MCF2L2: variants seen among roughly 807,000 people sequenced by gnomAD.
MCF2L2 encodes the protein probable guanine nucleotide exchange factor MCF2L2.
MCF2L2 carries 102 observed loss-of-function variants against 150.2 expected under a neutral mutation model. The observed-to-expected ratio is 0.68, with a 90% CI of 0.58 to 0.80. MCF2L2 has a LOEUF of 0.80. Among genes scored for constraint, MCF2L2 ranks in the 30% least tolerant of loss-of-function variants. The probability of loss-of-function intolerance (pLI) is 0.00; values close to 1 mark genes in which losing one functional copy is unlikely to be tolerated. For synonymous variants in MCF2L2, 465 were observed against 491.3 expected, an observed-to-expected ratio of 0.95 and a Z score of 0.71; for missense variants, 1,256 against 1,372.8, an observed-to-expected ratio of 0.91 and a Z score of 1.34.
chr3:183,384,102 T>C (rs1713691224), intron 2 of MCF2L2, among the ~76,000 whole-genome samples: 1 of 152,206 alleles, frequency 6.6e-6, no homozygotes, highest in South Asian at 2.1e-4. Context: ...CATGCAGAAC[T>C]GGTAAAAGAG....
intron 25 of MCF2L2, 56 bp downstream of exon 25, chr3:183,205,820 C>T: frequency 7.6e-7 from 1 of 1,307,790 alleles, no homozygotes; most frequent in Non-Finnish European, 1.1e-6. Flanking sequence ...TGCACATCCC[C>T]CACTGAGCTG....
intron 15 of MCF2L2, chr3:183,231,312 A>C: frequency 1.9e-6 from 1 of 534,850 alleles, no homozygotes; most frequent in Non-Finnish European, 3.6e-6. Context: ...GTGGGGGTCA[A>C]GAAGGGAGAT....
chr3:183,380,842 T>G (rs1245992524), intron 2 of MCF2L2, among the ~76,000 whole-genome samples: 1 of 152,136 alleles, frequency 6.6e-6, no homozygotes, highest in East Asian at 1.9e-4. Flanking sequence ...GACATAAAGG[T>G]GGTGATATCT....
intron 15 of MCF2L2, among the ~76,000 whole-genome samples, chr3:183,268,782 G>A (rs1726413985): frequency 6.6e-6 from 1 of 152,168 alleles, no homozygotes; most frequent in Non-Finnish European, 1.5e-5. Context: ...ACCGTAAGTG[G>A]CTAAGGCGGC....
In MCF2L2 at chr3:183,418,933, T is replaced by C. The variant is rs374266608; in HGVS notation, c.76+8969A>G. Among the ~76,000 whole-genome samples the C allele has an allele frequency of 3.5e-4, 53 of 152,366 alleles. No individual in the cohort carries two copies. In the East Asian group the frequency reaches 3.9e-3, roughly 11 times the overall value. ...CTCTTCTCACAGCTTCACTAGGCAG[T>C]TCCCCACTGGGGACTCTTATTTCTC... On this transcript the variant is annotated intron_variant, in intron 1 of 29. Coordinates refer to ENST00000328913, the MANE Select transcript of MCF2L2 (RefSeq NM_015078.4).
chr3:183,355,604 G>A lies in MCF2L2; in HGVS notation c.276-13974C>T, dbSNP rs867574743. ...TGGGACTACAGGCGCCCGCCACCAC[G>A]CCCAGCTAATTTTTTTTTTTTTTTT... On this transcript the variant is annotated intron_variant, in intron 3 of 29. Transcript: ENST00000328913. 4.1e-3 allele frequency among the ~76,000 whole-genome samples: 564 copies of A among 138,942 alleles called. 1 individual carries two copies. Among genetic ancestry groups the A allele is most frequent in the African/African-American group, 0.015 (531 of 35,640 alleles). The allele number at this position is 138,942 out of a possible 152,430, so 91.2% of individuals were successfully genotyped here. A position where few individuals can be genotyped will look rare whatever the true frequency, so the allele number is the denominator to read the frequency against.
chr3:183,257,229 C>T (rs778695464), intron 15 of MCF2L2, among the ~76,000 whole-genome samples: 8 of 152,194 alleles, frequency 5.3e-5, no homozygotes, highest in Non-Finnish European at 1.2e-4. Context: ...AGAGACAAGT[C>T]GAGCTCATGT....
Position 183,270,260 on chromosome 3 carries a change from T to C in MCF2L2, c.1862+6612A>G. The C allele has an allele frequency of 6.2e-7, 1 of 1,614,138 alleles. No homozygotes were observed. The highest frequency in any genetic ancestry group is 1.3e-5 in the African/African-American group (1 of 75,042). On this transcript the variant is annotated intron_variant, in intron 15 of 29. Coordinates refer to ENST00000328913, the MANE Select transcript of MCF2L2 (RefSeq NM_015078.4). This position sits in a 1 kb window ranked among gnomAD's most constrained non-coding sequence, Gnocchi z 4.5. ...TGGCTTGGGAAGATCAAAGGTACAA[T>C]GATATAATTCAGCAAGACTTTGTTG...
In MCF2L2 at chr3:183,338,900, A is replaced by G; in HGVS notation, c.386T>C (p.Leu129Ser). The G allele has an allele frequency of 6.2e-7, 1 of 1,601,404 alleles. No homozygotes were observed. Among genetic ancestry groups the G allele is most frequent in the Non-Finnish European group, 8.5e-7 (1 of 1,170,854 alleles). ...TGGACGAAGGATGAATATGAGCTGT[A>G]AGTTTCCTGGAAATGCCACCTGCAA... is the stretch of plus-strand genomic sequence containing the variant. ...TRIAVAFPGN[L>S]QLIFILRPSR... Residue 129 changes from leucine to serine, a missense_variant, in exon 5 of 30, where the codon TTA (leucine) becomes TCA (serine). By Grantham distance (145) the Leu-to-Ser change is moderately radical. Coordinates refer to ENST00000328913, the MANE Select transcript of MCF2L2 (RefSeq NM_015078.4).
Position 183,372,102 on chromosome 3 carries a change from A to C in MCF2L2, c.275+7195T>G, listed in dbSNP as rs73062737. 5 of 151,306 alleles carry C rather than the reference A, an allele frequency of 3.3e-5. No homozygotes were observed. In the East Asian group the frequency reaches 7.8e-4, roughly 24 times the overall value. 9.4% of individuals were successfully genotyped at this position (151,306 alleles called of 1,614,324 possible). ...GTCTGATGCACTTCCCAGCTTCACT[A>C]CCCTTTGGCTTAATGATTTGGGGGT... On this transcript the variant is annotated intron_variant, in intron 3 of 29. Transcript: ENST00000328913.
At chr3:183,346,627 G>C (rs1730909781) in intron 3 of MCF2L2, among the ~76,000 whole-genome samples, 1 of 152,188 alleles carries the variant, frequency 6.6e-6, no homozygotes, top group African/African-American at 2.4e-5. Flanking sequence ...AATTGTCTCT[G>C]TTTGCAGATG....
chr3:183,332,039 C>G (rs1730293181), intron 5 of MCF2L2, among the ~76,000 whole-genome samples: 1 of 152,084 alleles, frequency 6.6e-6, no homozygotes, highest in Non-Finnish European at 1.5e-5. Context: ...AATTATCTAA[C>G]TAGAAATGAC....
chr3:183,250,932 T>C (rs1455284285), intron 15 of MCF2L2, among the ~76,000 whole-genome samples: 1 of 152,210 alleles, frequency 6.6e-6, no homozygotes, highest in Non-Finnish European at 1.5e-5. Flanking sequence ...CCCATTGGGA[T>C]AGCCCAGGCT....
At position 183,258,070 on chromosome 3, in the gene MCF2L2, C is replaced by T. The variant is rs528401866; in HGVS notation, c.1862+18802G>A. 7.6e-5 allele frequency among the ~76,000 whole-genome samples: 11 copies of T among 144,264 alleles called. No individual in the cohort carries two copies. In the South Asian group the frequency reaches 1.4e-3, roughly 18 times the overall value. The allele number at this position is 144,264 out of a possible 152,430, so 94.6% of individuals were successfully genotyped here. A position where few individuals can be genotyped will look rare whatever the true frequency, so the allele number is the denominator to read the frequency against. ...GCAACCTCCGCCTCCTGGGTTCAAGCGATTCTCCTGCTTCAGCCTCCCGAG... is the reference window on the plus strand; with the variant it reads ...GCAACCTCCGCCTCCTGGGTTCAAGTGATTCTCCTGCTTCAGCCTCCCGAG... On this transcript the variant is annotated intron_variant, in intron 15 of 29. Coordinates refer to ENST00000328913, the MANE Select transcript of MCF2L2 (RefSeq NM_015078.4).
chr3:183,286,667 T>A (rs1304893445), intron 14 of MCF2L2, among the ~76,000 whole-genome samples: 1 of 152,212 alleles, frequency 6.6e-6, no homozygotes, highest in Admixed American at 6.5e-5. Context: ...CATTCCCAAG[T>A]CTAGGATTTG....
intron 2 of MCF2L2, 41 bp downstream of exon 2, chr3:183,389,655 C>T (rs372687062): frequency 4.9e-4 from 754 of 1,534,248 alleles, no homozygotes; most frequent in Non-Finnish European, 6.4e-4. Context: ...ATCAAGACCC[C>T]CCCATCAAAA....
At chr3:183,397,317 A>G (rs1483254513) in intron 1 of MCF2L2, among the ~76,000 whole-genome samples, 2 of 152,212 alleles carry the variant, frequency 1.3e-5, no homozygotes, top group Non-Finnish European at 2.9e-5. Context: ...TGCTTCCAGG[A>G]TAGTGCATTC....
intron 3 of MCF2L2, among the ~76,000 whole-genome samples, chr3:183,370,679 G>T (rs1246797752): frequency 2.0e-5 from 3 of 152,232 alleles, no homozygotes; most frequent in African/African-American, 4.8e-5. Context: ...CCACTGGGAA[G>T]AAGTAACATC....
In MCF2L2 at chr3:183,379,455, C is replaced by T. The variant is rs374359576; in HGVS notation, c.161-44G>A. 3.8e-5 allele frequency: 51 copies of T among 1,353,366 alleles called. No individual in the cohort carries two copies. In the African/African-American group the frequency reaches 6.3e-4, roughly 17 times the overall value. 83.8% of individuals were successfully genotyped at this position (1,353,366 alleles called of 1,614,324 possible). A position where few individuals can be genotyped will look rare whatever the true frequency, so the allele number is the denominator to read the frequency against. On this transcript the variant is annotated intron_variant, in intron 2 of 29. Coordinates refer to ENST00000328913, the MANE Select transcript of MCF2L2 (RefSeq NM_015078.4). ...GTCAAAATGTTAGCAAAATGTTGTC[C>T]TGTCACACCTCTGCAGGGAAGTTGG... is the stretch of plus-strand genomic sequence containing the variant.
Sources: allele counts gnomAD v4.1 joint callset (sites outside exome capture counted in the v4.1 genomes callset), GRCh38; gene constraint gnomAD v4.1.1; non-coding constraint Gnocchi (gnomAD v3.1); transcripts MANE v1.5; gene names NCBI Gene and HGNC (gene_info 2026-07-23, HGNC 2026-07-21).